Variants in ELP2 observed in about 807,000 individuals in gnomAD.
The protein encoded by ELP2 is elongator acetyltransferase complex subunit 2.
ELP2 carries 90 observed loss-of-function variants against 119.2 expected under a neutral mutation model. That is an observed-to-expected ratio of 0.75 (90% CI 0.64 to 0.90). The LOEUF (loss-of-function observed/expected upper bound fraction) is 0.90, where lower values mean the gene tolerates loss of function less well. ELP2 is among the 40% of genes least tolerant of loss of function. The probability of loss-of-function intolerance (pLI) is 0.00; values close to 1 mark genes in which losing one functional copy is unlikely to be tolerated. For synonymous variants in ELP2, 339 were observed against 331.0 expected (o/e 1.02, Z -0.26); for missense variants, 921 against 967.8 (o/e 0.95, Z 0.64).
At position 36,166,319 on chromosome 18, in the gene ELP2, G is replaced by GTTTTTTTTTTTTTTT. The variant is rs60477950; in HGVS notation, c.1955-768_1955-754dup. On this transcript the variant is annotated intron_variant, in intron 18 of 21. Coordinates refer to ENST00000358232, the MANE Select transcript of ELP2 (RefSeq NM_018255.4). ...AGTTATGTGGTTTTTGTTTTTTAGG[G>GTTTTTTTTTTTTTTT]TTTTTTTTTTTTTTTTTTTTTTTTT... Among the ~76,000 whole-genome samples, 23 of 71,690 alleles carry GTTTTTTTTTTTTTTT rather than the reference G, an allele frequency of 3.2e-4. 5 individuals carry two copies. Among genetic ancestry groups the GTTTTTTTTTTTTTTT allele is most frequent in the African/African-American group, 1.2e-3 (22 of 17,966 alleles). 47.0% of individuals were successfully genotyped at this position (71,690 alleles called of 152,430 possible). A position where few individuals can be genotyped will look rare whatever the true frequency, so the allele number is the denominator to read the frequency against.
Position 36,170,348 on chromosome 18 carries a change from GTCGCCC to G in ELP2, c.2210+153_2210+158del, listed in dbSNP as rs2091043294. 3.2e-6 allele frequency: 3 copies of G among 946,244 alleles called. No individual in the cohort carries two copies. In the African/African-American group the frequency reaches 5.1e-5, roughly 16 times the overall value. The allele number at this position is 946,244 out of a possible 1,614,324, so 58.6% of individuals were successfully genotyped here. A position where few individuals can be genotyped will look rare whatever the true frequency, so the allele number is the denominator to read the frequency against. ...TTGTTTTGAGATGGAGTCTCACTCTGTCGCCCAGGCTGGAATGCAGTGGCGTGATCT... is the reference window on the plus strand; with the variant it reads ...TTGTTTTGAGATGGAGTCTCACTCTGAGGCTGGAATGCAGTGGCGTGATCT... On this transcript the variant is annotated intron_variant, in intron 20 of 21. Transcript: ENST00000358232.
At chr18:36,166,952 G>T in intron 18 of ELP2, 149 bp from the exon 19 acceptor site, 1 of 675,058 alleles carries the variant, frequency 1.5e-6, no homozygotes, top group Non-Finnish European at 2.3e-6. Flanking sequence ...GTGAGGGGTT[G>T]GTTGCCTGGC....
intron 20 of ELP2, among the ~76,000 whole-genome samples, chr18:36,170,650 A>T (rs1241819310): frequency 6.6e-6 from 1 of 152,182 alleles, no homozygotes; most frequent in East Asian, 1.9e-4. Context: ...TATGTTTCTC[A>T]TAATAATTTT....
intron 3 of ELP2, 132 bp downstream of exon 3, chr18:36,136,509 C>G (rs2089831766): frequency 1.3e-6 from 1 of 764,744 alleles, no homozygotes; most frequent in African/African-American, 1.7e-5. Flanking sequence ...TCCTAAGTAG[C>G]TGGGACTACA....
intron 21 of ELP2, 42 bp from the exon 22 acceptor site, chr18:36,174,443 T>G (rs752714937): frequency 6.3e-7 from 1 of 1,595,062 alleles, no homozygotes; most frequent in South Asian, 1.1e-5. Flanking sequence ...TTTACACCAT[T>G]AATTGGAAAA....
Position 36,166,319 on chromosome 18 carries a change from G to GTTTT in ELP2, c.1955-757_1955-754dup, listed in dbSNP as rs60477950. 7.3e-3 allele frequency among the ~76,000 whole-genome samples: 520 copies of GTTTT among 71,528 alleles called. 91 individuals are homozygous for GTTTT. Among genetic ancestry groups the GTTTT allele is most frequent in the Non-Finnish European group, 1.0e-2 (391 of 39,172 alleles). 46.9% of individuals were successfully genotyped at this position (71,528 alleles called of 152,430 possible). A position where few individuals can be genotyped will look rare whatever the true frequency, so the allele number is the denominator to read the frequency against. On this transcript the variant is annotated intron_variant, in intron 18 of 21. Coordinates refer to ENST00000358232, the MANE Select transcript of ELP2 (RefSeq NM_018255.4). ...AGTTATGTGGTTTTTGTTTTTTAGGGTTTTTTTTTTTTTTTTTTTTTTTTT... is the reference window on the plus strand; with the variant it reads ...AGTTATGTGGTTTTTGTTTTTTAGGGTTTTTTTTTTTTTTTTTTTTTTTTTTTTT...
chr18:36,168,272 CTGTTCTT>C (rs753435633), intron 19 of ELP2, among the ~76,000 whole-genome samples: 10 of 152,202 alleles, frequency 6.6e-5, no homozygotes, highest in African/African-American at 9.7e-5. Context: ...GTTCATTTGC[CTGTTCTT>C]TCTTTCTTGG....
chr18:36,134,060 C>T (rs1307330334), intron 2 of ELP2, among the ~76,000 whole-genome samples: 2 of 151,998 alleles, frequency 1.3e-5, no homozygotes, highest in African/African-American at 4.8e-5. Context: ...GTACTCCTAA[C>T]CTCAAGCAGT....
At chr18:36,147,407 T>TTTTG (rs71166096) in intron 11 of ELP2, among the ~76,000 whole-genome samples, 145 of 149,426 alleles carry the variant, frequency 9.7e-4, no homozygotes, top group African/African-American at 2.2e-3. Flanking sequence ...TACTGACAGT[T>TTTTG]TTTGTTTGTT....
Position 36,159,684 on chromosome 18 carries a change from A to G in ELP2, c.1535-51A>G, listed in dbSNP as rs756773936. On this transcript the variant is annotated intron_variant, in intron 14 of 21. Transcript: ENST00000358232. The stretch of plus-strand genomic sequence containing the variant: ...GGTGGCCTTAATATTGAGACAAGTG[A>G]AGGAGATATAAAAATAGTGACTATA... The G allele has an allele frequency of 5.2e-6, 7 of 1,348,376 alleles. No homozygotes were observed. The Admixed American group carries it at 1.2e-4, about 23-fold the overall frequency. 83.5% of individuals were successfully genotyped at this position (1,348,376 alleles called of 1,614,324 possible). A position where few individuals can be genotyped will look rare whatever the true frequency, so the allele number is the denominator to read the frequency against.
chr18:36,141,488 C>T (rs940730789), intron 6 of ELP2: 2 of 407,778 alleles, frequency 4.9e-6, no homozygotes, highest in East Asian at 5.3e-5. Flanking sequence ...AAGATTTAAA[C>T]GAGATATAAC....
chr18:36,154,791 T>C, intron 11 of ELP2, 59 bp from the exon 12 acceptor site: 1 of 1,603,834 alleles, frequency 6.2e-7, no homozygotes, highest in Non-Finnish European at 8.5e-7. Context: ...ACGTGAGTGC[T>C]TTACTTTGGT....
rs766229702 is a variant in ELP2, at chr18:36,142,971, G to A, written c.796+5G>A. On this transcript the variant is annotated splice_donor_5th_base_variant and intron_variant, in intron 8 of 21. Transcript: ENST00000358232. ...CTTTTACCATAGAAAATGAAAGTGA[G>A]TAATAATGAAAATATCCAATATAAC... The A allele has an allele frequency of 3.2e-6, 5 of 1,574,564 alleles. No individual in the cohort carries two copies. Among genetic ancestry groups the A allele is most frequent in the South Asian group, 2.3e-5 (2 of 87,804 alleles).
intron 13 of ELP2, 130 bp downstream of exon 13, chr18:36,156,784 T>A: frequency 1.1e-6 from 1 of 914,796 alleles, no homozygotes; most frequent in Non-Finnish European, 1.7e-6. Flanking sequence ...ATGTAAGATG[T>A]GACAAAGTTT....
In ELP2 at chr18:36,174,867, G is replaced by C; in HGVS notation, c.*226G>C. The stretch of plus-strand genomic sequence containing the variant: ...ACACCACCAATTCCGGCTAATTTTT[G>C]TATTTTTAGTAGAGACTGGGTTTCA... On this transcript the variant is annotated 3_prime_UTR_variant, in exon 22 of 22. Coordinates refer to ENST00000358232, the MANE Select transcript of ELP2 (RefSeq NM_018255.4). 1 of 463,818 alleles carries C rather than the reference G, an allele frequency of 2.2e-6. No individual in the cohort carries two copies. The highest frequency in any genetic ancestry group is 3.9e-6 in the Non-Finnish European group (1 of 255,950). 28.7% of individuals were successfully genotyped at this position (463,818 alleles called of 1,614,324 possible).
chr18:36,174,406 A>G (rs1598850345), intron 21 of ELP2, 79 bp from the exon 22 acceptor site: 22 of 1,412,048 alleles, frequency 1.6e-5, no homozygotes, highest in East Asian at 4.8e-5. Flanking sequence ...GTACATTTCA[A>G]TTTTCAGGTT....
At chr18:36,152,176 G>A (rs1325507864) in intron 11 of ELP2, among the ~76,000 whole-genome samples, 1 of 142,630 alleles carries the variant, frequency 7.0e-6, no homozygotes, top group Non-Finnish European at 1.5e-5. Context: ...TAACCTGGGT[G>A]ACAGAGTGAG....
At chr18:36,174,190 A>G (rs2091164544) in intron 21 of ELP2, among the ~76,000 whole-genome samples, 1 of 152,232 alleles carries the variant, frequency 6.6e-6, no homozygotes, top group African/African-American at 2.4e-5. Context: ...TCATTAAAAC[A>G]ACATTCATTT....
chr18:36,133,000 C>T lies in ELP2; in HGVS notation c.139-238C>T, dbSNP rs192415633. ...GTGGGTGGATGCAGACGCGAGAGCT[C>T]AGTGTAATGGGAGGACAGGATGCTG... On this transcript the variant is annotated intron_variant, in intron 1 of 21. Transcript: ENST00000358232. Among the ~76,000 whole-genome samples the T allele has an allele frequency of 1.6e-3, 248 of 151,946 alleles. 2 individuals are homozygous for T. The highest frequency in any genetic ancestry group is 3.0e-3 in the Non-Finnish European group (201 of 67,972).
Sources: allele counts gnomAD v4.1 joint callset (sites outside exome capture counted in the v4.1 genomes callset), GRCh38; gene constraint gnomAD v4.1.1; transcripts MANE v1.5; gene names NCBI Gene and HGNC (gene_info 2026-07-23, HGNC 2026-07-21).